The following MID1 variants were observed in gnomAD, a reference collection of about 807,000 sequenced individuals.
The protein encoded by MID1 is E3 ubiquitin-protein ligase Midline-1.
A neutral mutation model predicts 40.4 loss-of-function variants in MID1; 7 were observed. The ratio of observed to expected loss-of-function variants is 0.17; its 90% CI spans 0.10 to 0.33. The LOEUF is 0.33. Ranked by LOEUF, MID1 falls within the 10% of genes least tolerant of loss-of-function variation. The pLI, the probability that MID1 is intolerant of heterozygous loss-of-function variation, is 1.00. For synonymous variants in MID1, 229 were observed against 221.2 expected, an observed-to-expected ratio of 1.04 and a Z score of -0.31; for missense variants, 367 against 558.5, an observed-to-expected ratio of 0.66 and a Z score of 3.46.
In MID1 at chrX:10,455,082, AAAC is replaced by A. The variant is rs1928573255; in HGVS notation, c.1448-8_1448-6del. ...GATCCAGTTTAAATGGTTGGCCTGAAAACAAATTCACAAAACAGAAAAAGGAAG... is the reference window on the plus strand; with the variant it reads ...GATCCAGTTTAAATGGTTGGCCTGAAAAATTCACAAAACAGAAAAAGGAAG... On this transcript the variant is annotated splice_polypyrimidine_tract_variant and splice_region_variant and intron_variant, in intron 8 of 9. Transcript: ENST00000317552. The A allele has an allele frequency of 8.4e-7, 1 of 1,185,194 alleles. No homozygotes were observed. The highest frequency in any genetic ancestry group is 1.8e-5 in the African/African-American group (1 of 56,736).
chrX:10,713,048 G>A (rs1361115950), intron 1 of MID1, among the ~76,000 whole-genome samples: 1 of 110,613 alleles, frequency 9.0e-6, no homozygotes, highest in Non-Finnish European at 1.9e-5. Flanking sequence ...TGTTAGCCAG[G>A]CTGGTCTCGA....
intron 1 of MID1, among the ~76,000 whole-genome samples, chrX:10,748,777 A>G (rs2043578732): frequency 8.9e-6 from 1 of 111,846 alleles, no homozygotes; most frequent in Non-Finnish European, 1.9e-5. Flanking sequence ...TGTAAGCTAA[A>G]CAGGGGTCTG....
chrX:10,642,458 G>A (rs1936210223), intron 1 of MID1, among the ~76,000 whole-genome samples: 1 of 109,879 alleles, frequency 9.1e-6, no homozygotes, highest in South Asian at 3.8e-4. Context: ...ACTTACAAGG[G>A]ATGTGAAGGA....
intron 1 of MID1, among the ~76,000 whole-genome samples, chrX:10,573,177 G>C (rs1365312845): frequency 8.9e-6 from 1 of 112,547 alleles, no homozygotes; most frequent in Non-Finnish European, 1.9e-5. Flanking sequence ...TGTTTTGCTG[G>C]AAAATAATGA....
chrX:10,621,131 C>T (rs1377611353), upstream of MID1, among the ~76,000 whole-genome samples: 1 of 111,460 alleles, frequency 9.0e-6, no homozygotes, highest in Non-Finnish European at 1.9e-5. Context: ...AGCAAATGAA[C>T]AAGAATCTTT....
In MID1 at chrX:10,663,950, C is replaced by G. The variant is rs596927; in HGVS notation, c.-186-43531G>C. On this transcript the variant is annotated intron_variant, in intron 1 of 10. Transcript: ENST00000380785. ...TATACACGCATCCTCCCTACACACC[C>G]ATATACATGCCACAAATACACAATC... 3.6e-3 allele frequency among the ~76,000 whole-genome samples: 401 copies of G among 111,428 alleles called. 1 individual carries two copies. The highest frequency in any genetic ancestry group is 0.011 in the South Asian group (29 of 2,587).
chrX:10,466,155 C>G (rs1929374753), intron 7 of MID1, among the ~76,000 whole-genome samples: 1 of 111,751 alleles, frequency 8.9e-6, no homozygotes, highest in East Asian at 2.8e-4. Flanking sequence ...CATTTTCTAC[C>G]TGCTCTTCTC....
intron 1 of MID1, among the ~76,000 whole-genome samples, chrX:10,587,885 T>A (rs1053292500): frequency 3.6e-5 from 4 of 111,213 alleles, no homozygotes; most frequent in African/African-American, 1.3e-4. Context: ...ATTAGTGTTA[T>A]TGATGTTAAA....
chrX:10,608,200 T>C (rs1308673391), intron 1 of MID1, among the ~76,000 whole-genome samples: 1 of 112,263 alleles, frequency 8.9e-6, no homozygotes, highest in Non-Finnish European at 1.9e-5. Context: ...TTTGGCAGTT[T>C]CTTACAAAAC....
intron 2 of MID1, among the ~76,000 whole-genome samples, chrX:10,542,293 T>G (rs1933501918): frequency 9.0e-6 from 1 of 111,614 alleles, no homozygotes; most frequent in Non-Finnish European, 1.9e-5. Context: ...ATTATAAAAA[T>G]AAAAGAAACA....
Position 10,538,107 on chromosome X carries a change from G to A in MID1, c.661-14920C>T, listed in dbSNP as rs150104345. Among the ~76,000 whole-genome samples the A allele has an allele frequency of 5.7e-3, 631 of 111,082 alleles. 6 individuals are homozygous for A. Among genetic ancestry groups the A allele is most frequent in the South Asian group, 0.034 (87 of 2,597 alleles). ...CTGCCTCAGCCTCCCCAAGTAGCTG[G>A]GACTATAGGCATGTGCCACCACGCC... On this transcript the variant is annotated intron_variant, in intron 2 of 9. Coordinates refer to ENST00000317552, the MANE Select transcript of MID1 (RefSeq NM_000381.4).
chrX:10,795,193 T>C (rs1361686224), intron 1 of MID1, among the ~76,000 whole-genome samples: 1 of 112,389 alleles, frequency 8.9e-6, no homozygotes, highest in Non-Finnish European at 1.9e-5. Context: ...AAATGTCCCT[T>C]GGAAAGAAAA....
intron 1 of MID1, among the ~76,000 whole-genome samples, chrX:10,815,846 G>A (rs905617439): frequency 2.7e-5 from 3 of 112,300 alleles, no homozygotes; most frequent in Non-Finnish European, 5.6e-5. Context: ...GGTTTCTTCA[G>A]TCTACTGGCC....
intron 1 of MID1, among the ~76,000 whole-genome samples, chrX:10,773,807 C>G (rs760186101): frequency 2.7e-5 from 3 of 112,033 alleles, no homozygotes; most frequent in Non-Finnish European, 3.8e-5. Context: ...AGGTCCAGCT[C>G]ACATACAGGC....
chrX:10,551,161 T>C (rs1933893944), intron 2 of MID1, among the ~76,000 whole-genome samples: 1 of 112,371 alleles, frequency 8.9e-6, no homozygotes, highest in Non-Finnish European at 1.9e-5. Context: ...AGTTGTTACA[T>C]TGTATTGTTT....
intron 2 of MID1, among the ~76,000 whole-genome samples, chrX:10,562,143 T>C (rs894621285): frequency 2.9e-5 from 3 of 104,757 alleles, no homozygotes; most frequent in Non-Finnish European, 5.7e-5. Flanking sequence ...CACCGCATGA[T>C]CTCTCTCATA....
chrX:10,451,116 A>C (rs1327102242), intron 9 of MID1, among the ~76,000 whole-genome samples: 1 of 111,959 alleles, frequency 8.9e-6, no homozygotes, highest in African/African-American at 3.3e-5. Flanking sequence ...GAAGGATGGA[A>C]TTGATAATCT....
At chrX:10,512,335 C>CT (rs1932199392) in intron 3 of MID1, among the ~76,000 whole-genome samples, 1 of 112,268 alleles carries the variant, frequency 8.9e-6, no homozygotes, top group African/African-American at 3.2e-5. Context: ...GGGAATCTAA[C>CT]TTTCTAATCA....
At chrX:10,662,080 A>G (rs5979336) in intron 1 of MID1, among the ~76,000 whole-genome samples, 15,930 of 111,185 alleles carry the variant, frequency 0.14, 1,847 homozygotes, top group African/African-American at 0.39. Flanking sequence ...CGAGGTGGGC[A>G]GATCACCTGA....
Sources: gnomAD v4.1 joint callset for allele counts (sites outside exome capture counted in the v4.1 genomes callset) on GRCh38, gnomAD v4.1.1 for gene constraint, MANE v1.5 for transcripts, NCBI Gene and HGNC (gene_info 2026-07-23, HGNC 2026-07-21) for gene names.